Variants in MOXD1 observed in about 807,000 individuals in gnomAD.
MOXD1 encodes the protein DBH-like monooxygenase protein 1.
Under a neutral mutation model 66.6 loss-of-function variants are expected in MOXD1, and 62 were observed. That is an observed-to-expected ratio of 0.93 (90% CI 0.76 to 1.15). MOXD1 has a LOEUF of 1.15. Ranked by LOEUF, MOXD1 falls within the 50% of genes most tolerant of loss-of-function variation. The probability of loss-of-function intolerance (pLI) is 0.00; values close to 1 mark genes in which losing one functional copy is unlikely to be tolerated. For missense variants in MOXD1, 847 were observed against 754.6 expected, an observed-to-expected ratio of 1.12 and a Z score of -1.44; for synonymous variants, 303 against 281.9, an observed-to-expected ratio of 1.07 and a Z score of -0.75.
intron 4 of MOXD1, among the ~76,000 whole-genome samples, chr6:132,329,556 C>T (rs1433609540): frequency 6.6e-6 from 1 of 151,992 alleles, no homozygotes; most frequent in African/African-American, 2.4e-5. Flanking sequence ...CCATCCCTAC[C>T]AGTGGTGAGA....
chr6:132,378,608 TTAA>T (rs1410456722), intron 1 of MOXD1, among the ~76,000 whole-genome samples: 3 of 152,124 alleles, frequency 2.0e-5, no homozygotes, highest in Non-Finnish European at 4.4e-5. Flanking sequence ...CACTAAAAGG[TTAA>T]TAATATTATG....
intron 1 of MOXD1, chr6:132,375,077 G>C: frequency 2.0e-6 from 1 of 499,516 alleles, no homozygotes; most frequent in Non-Finnish European, 3.5e-6. Flanking sequence ...ATTAAAAGAG[G>C]GACTATAGCA....
At position 132,367,158 on chromosome 6, in the gene MOXD1, T is replaced by C. The variant is rs1263822682; in HGVS notation, c.663+5450A>G. On this transcript the variant is annotated intron_variant, in intron 4 of 11. Transcript: ENST00000367963. ...TCTCCAAAGCTGAAAATTTTCAAGG[T>C]GACCTCCCTAAATGAAGTGATGGAC... is the stretch of plus-strand genomic sequence containing the variant. Among the ~76,000 whole-genome samples the C allele has an allele frequency of 3.9e-5, 6 of 152,158 alleles. No individual in the cohort carries two copies. In the East Asian group the frequency reaches 1.2e-3, roughly 29 times the overall value.
chr6:132,309,517 C>G (rs2114543416), intron 10 of MOXD1, among the ~76,000 whole-genome samples: 1 of 152,254 alleles, frequency 6.6e-6, no homozygotes, highest in East Asian at 1.9e-4. Context: ...TTAGCAACAA[C>G]TATTTTAAAT....
chr6:132,339,045 A>G (rs1448217777), intron 4 of MOXD1, among the ~76,000 whole-genome samples: 1 of 152,216 alleles, frequency 6.6e-6, no homozygotes, highest in Non-Finnish European at 1.5e-5. Flanking sequence ...GTATGTCACA[A>G]ATATTCAGGC....
At chr6:132,393,316 G>A (rs1283002351) in intron 1 of MOXD1, among the ~76,000 whole-genome samples, 1 of 152,196 alleles carries the variant, frequency 6.6e-6, no homozygotes, top group African/African-American at 2.4e-5. Context: ...TTTCCAGAGA[G>A]AGGAGCTAAA....
At chr6:132,393,730 C>G (rs567577881) in intron 1 of MOXD1, among the ~76,000 whole-genome samples, 1 of 152,204 alleles carries the variant, frequency 6.6e-6, no homozygotes, top group Admixed American at 6.5e-5. Context: ...TGTGTTCTGC[C>G]TGGGGGCCCA....
rs189742900 is a variant in MOXD1, at chr6:132,396,866, T to C, written c.264+4297A>G. Among the ~76,000 whole-genome samples, 7 of 152,324 alleles carry C rather than the reference T, an allele frequency of 4.6e-5. No individual in the cohort carries two copies. The East Asian group carries it at 9.6e-4, about 21-fold the overall frequency. On this transcript the variant is annotated intron_variant, in intron 1 of 11. Coordinates refer to ENST00000367963, the MANE Select transcript of MOXD1 (RefSeq NM_015529.4). ...AATAGACCAACAATCAGTAATGAGATTGAATCAGTAATAAAAAGTCTCCCC... is the reference window on the plus strand; with the variant it reads ...AATAGACCAACAATCAGTAATGAGACTGAATCAGTAATAAAAAGTCTCCCC...
intron 10 of MOXD1, among the ~76,000 whole-genome samples, chr6:132,299,420 C>T (rs1225986831): frequency 6.6e-6 from 1 of 151,938 alleles, no homozygotes; most frequent in Non-Finnish European, 1.5e-5. Flanking sequence ...ATCCCTTGAA[C>T]CTAAAATAAA....
intron 4 of MOXD1, among the ~76,000 whole-genome samples, chr6:132,340,681 C>G (rs1012490442): frequency 8.5e-6 from 1 of 117,346 alleles, no homozygotes; most frequent in African/African-American, 3.9e-5. Flanking sequence ...GAGTCTCGCT[C>G]TGTCACCCAG....
At chr6:132,351,370 G>A (rs1775800351) in intron 4 of MOXD1, among the ~76,000 whole-genome samples, 1 of 152,008 alleles carries the variant, frequency 6.6e-6, no homozygotes, top group Non-Finnish European at 1.5e-5. Flanking sequence ...GATTTTGTTG[G>A]ATGCTTTTTC....
At chr6:132,396,139 G>C (rs1052018960) in intron 1 of MOXD1, among the ~76,000 whole-genome samples, 4 of 152,138 alleles carry the variant, frequency 2.6e-5, no homozygotes, top group Non-Finnish European at 5.9e-5. Context: ...CATATGTGAG[G>C]ACACAAAACA....
intron 4 of MOXD1, among the ~76,000 whole-genome samples, chr6:132,359,501 T>TG (rs1454384627): frequency 6.7e-6 from 1 of 149,920 alleles, no homozygotes; most frequent in African/African-American, 2.4e-5. Flanking sequence ...TTTTTTTTTT[T>TG]TTTGAGACGG....
intron 1 of MOXD1, among the ~76,000 whole-genome samples, chr6:132,378,923 G>C (rs138093611): frequency 1.3e-5 from 1 of 74,442 alleles, no homozygotes; most frequent in Admixed American, 2.2e-4. Flanking sequence ...TTGCGACAGA[G>C]TTTCACTCTT....
chr6:132,362,805 C>T (rs907464581), intron 4 of MOXD1, among the ~76,000 whole-genome samples: 1 of 152,176 alleles, frequency 6.6e-6, no homozygotes, highest in Non-Finnish European at 1.5e-5. Flanking sequence ...CTTCTTTCCA[C>T]GGAAATTATT....
intron 4 of MOXD1, among the ~76,000 whole-genome samples, chr6:132,337,305 A>T (rs1775460738): frequency 6.6e-6 from 1 of 152,256 alleles, no homozygotes; most frequent in Non-Finnish European, 1.5e-5. Flanking sequence ...TGTATGTGCA[A>T]TCATGCATGT....
rs1317972028 is a variant in MOXD1, at chr6:132,297,025, G to C, written c.*128C>G. On this transcript the variant is annotated 3_prime_UTR_variant, in exon 12 of 12. Coordinates refer to ENST00000367963, the MANE Select transcript of MOXD1 (RefSeq NM_015529.4). ...CTCATGTAACATGGAAAGGAAAAAG[G>C]AGGGAGGGAAAATGGGGAAGAAAAG... is the stretch of plus-strand genomic sequence containing the variant. 1.2e-6 allele frequency: 1 copy of C among 866,604 alleles called. No homozygotes were observed. Among genetic ancestry groups the C allele is most frequent in the Non-Finnish European group, 1.7e-6 (1 of 571,730 alleles). 53.7% of individuals were successfully genotyped at this position (866,604 alleles called of 1,614,324 possible).
At chr6:132,322,652 A>C (rs749736972) in intron 8 of MOXD1, 27 bp downstream of exon 8, 1 of 1,590,576 alleles carries the variant, frequency 6.3e-7, no homozygotes, top group Admixed American at 1.7e-5. Context: ...CATAACAGTC[A>C]ATGAAAAAGA....
chr6:132,345,746 C>T (rs1022725046), intron 4 of MOXD1, among the ~76,000 whole-genome samples: 9 of 151,982 alleles, frequency 5.9e-5, no homozygotes, highest in South Asian at 2.1e-4. Context: ...TCTAGAACAA[C>T]GGAGTTTTCT....
Sources: allele counts gnomAD v4.1 joint callset (sites outside exome capture counted in the v4.1 genomes callset), GRCh38; gene constraint gnomAD v4.1.1; transcripts MANE v1.5; gene names NCBI Gene and HGNC (gene_info 2026-07-23, HGNC 2026-07-21).